The following SEC24B variants were observed in gnomAD, a reference collection of about 807,000 sequenced individuals.
The protein encoded by SEC24B is SEC24 homolog B, COPII component.
In SEC24B, 45 loss-of-function variants were observed where a neutral mutation model predicts 142.8. The observed-to-expected ratio is 0.32, with a 90% confidence interval of 0.25 to 0.40. The LOEUF is 0.40. SEC24B is among the 10% of genes least tolerant of loss of function. The pLI, the probability that SEC24B is intolerant of heterozygous loss-of-function variation, is 1.00. For missense variants in SEC24B, 1,409 were observed against 1,526.8 expected (o/e 0.92, Z 1.29); for synonymous variants, 574 against 568.2 (o/e 1.01, Z -0.15).
chr4:109,515,815 G>A (rs966003583), intron 10 of SEC24B, among the ~76,000 whole-genome samples: 4 of 152,022 alleles, frequency 2.6e-5, no homozygotes, highest in African/African-American at 7.2e-5. Context: ...TGAGGCGGGC[G>A]GATCAAGTGA....
chr4:109,442,411 C>T (rs1729017345), intron 1 of SEC24B, among the ~76,000 whole-genome samples: 1 of 152,052 alleles, frequency 6.6e-6, no homozygotes, highest in African/African-American at 2.4e-5. Context: ...AAAATGAATA[C>T]CTGGGTGCAT....
chr4:109,479,083 A>C (rs1733463589), intron 3 of SEC24B, among the ~76,000 whole-genome samples: 1 of 152,210 alleles, frequency 6.6e-6, no homozygotes, highest in African/African-American at 2.4e-5. Flanking sequence ...ATTAAGCAGC[A>C]CCAAGGATAT....
chr4:109,539,043 C>A (rs561029955), intron 23 of SEC24B, among the ~76,000 whole-genome samples: 2 of 152,182 alleles, frequency 1.3e-5, no homozygotes, highest in South Asian at 4.1e-4. Context: ...CCCACTGCAA[C>A]CTCTGCGTCC....
intron 16 of SEC24B, 117 bp from the exon 17 acceptor site, chr4:109,526,109 C>A: frequency 1.1e-6 from 1 of 943,254 alleles, no homozygotes; most frequent in Non-Finnish European, 1.6e-6. Flanking sequence ...TGAACCTTGA[C>A]TCCCCAGTTA....
intron 6 of SEC24B, among the ~76,000 whole-genome samples, chr4:109,496,364 C>T (rs540510507): frequency 5.3e-5 from 8 of 152,248 alleles, no homozygotes; most frequent in Admixed American, 3.9e-4. Flanking sequence ...CCGCCTGCCT[C>T]GGCCTCCCAA....
chr4:109,465,298 A>C (rs1731749669), intron 2 of SEC24B, among the ~76,000 whole-genome samples: 1 of 152,228 alleles, frequency 6.6e-6, no homozygotes, highest in East Asian at 1.9e-4. Context: ...TGTGATATTC[A>C]ACTACAAATT....
chr4:109,441,746 A>G (rs1471891025), intron 1 of SEC24B, among the ~76,000 whole-genome samples: 1 of 152,162 alleles, frequency 6.6e-6, no homozygotes, highest in African/African-American at 2.4e-5. Flanking sequence ...CATAGCACTC[A>G]TTGTCGTGGT....
chr4:109,513,726 G>C, intron 9 of SEC24B, 21 bp from the exon 10 acceptor site: 2 of 1,371,470 alleles, frequency 1.5e-6, no homozygotes, highest in Non-Finnish European at 2.1e-6. Context: ...CTCTAAATTT[G>C]TACTGGGACC....
intron 6 of SEC24B, among the ~76,000 whole-genome samples, chr4:109,504,041 AAG>A (rs1374145738): frequency 6.6e-6 from 1 of 152,080 alleles, no homozygotes; most frequent in East Asian, 1.9e-4. Context: ...TACAGAAAAA[AAG>A]AGAATCCTTT....
At chr4:109,487,829 C>T (rs1734540084) in intron 4 of SEC24B, among the ~76,000 whole-genome samples, 1 of 151,998 alleles carries the variant, frequency 6.6e-6, no homozygotes, top group Non-Finnish European at 1.5e-5. Context: ...AGTAAACTAG[C>T]AGATTTCAAA....
chr4:109,520,358 A>G lies in SEC24B; in HGVS notation c.2127-8A>G, dbSNP rs758973531. On this transcript the variant is annotated splice_region_variant and splice_polypyrimidine_tract_variant and intron_variant, in intron 11 of 23. Coordinates refer to ENST00000265175, the MANE Select transcript of SEC24B (RefSeq NM_006323.5). The stretch of plus-strand genomic sequence containing the variant: ...CTCTGAATTTAAAATTGTCATTTTT[A>G]TCTTTAGGCTTCCTGGAGATTCACG... 2.6e-6 allele frequency: 4 copies of G among 1,531,334 alleles called. No homozygotes were observed. The highest frequency in any genetic ancestry group is 1.4e-5 in the African/African-American group (1 of 72,570). The allele number at this position is 1,531,334 out of a possible 1,614,324, so 94.9% of individuals were successfully genotyped here. A position where few individuals can be genotyped will look rare whatever the true frequency, so the allele number is the denominator to read the frequency against.
intron 4 of SEC24B, among the ~76,000 whole-genome samples, chr4:109,482,935 ACTAT>A (rs1296037304): frequency 4.0e-4 from 15 of 37,522 alleles, no homozygotes; most frequent in African/African-American, 6.7e-4. Flanking sequence ...CCAGGCTTGT[ACTAT>A]ATATATATAT....
At chr4:109,470,064 T>C (rs529852377) in intron 2 of SEC24B, among the ~76,000 whole-genome samples, 19 of 152,336 alleles carry the variant, frequency 1.2e-4, no homozygotes, top group African/African-American at 4.3e-4. Flanking sequence ...TTATACCTAC[T>C]AACAGATGGG....
intron 6 of SEC24B, among the ~76,000 whole-genome samples, chr4:109,501,924 G>T (rs1736196347): frequency 6.6e-6 from 1 of 152,212 alleles, no homozygotes; most frequent in South Asian, 2.1e-4. Flanking sequence ...GGGAGGTCAG[G>T]ATTAATAAGA....
chr4:109,449,092 TTGAGTCATTTCAGGGTTTACG>T (rs1424294263), intron 1 of SEC24B, among the ~76,000 whole-genome samples: 1 of 152,246 alleles, frequency 6.6e-6, no homozygotes, highest in African/African-American at 2.4e-5. Flanking sequence ...ATGCTTCTTA[TTGAGTCATTTCAGGGTTTACG>T]TGATACCAGC....
rs1732692267 is a variant in SEC24B, at chr4:109,473,038, T to C, written c.912T>C (p.Asn304=). The change falls in exon 3 of 24, where the codon AAT becomes AAC. Residue 304 remains asparagine, a synonymous_variant. Coordinates refer to ENST00000265175, the MANE Select transcript of SEC24B (RefSeq NM_006323.5). ...CTTTATCCTGTCCTGTTATGCAAAA[T>C]GTTCAGCCTCCCAAGTCCAGCCCAG... ...ADSLSCPVMQ[N]VQPPKSSPVV... 6.3e-7 allele frequency: 1 copy of C among 1,589,166 alleles called. No homozygotes were observed. Among genetic ancestry groups the C allele is most frequent in the African/African-American group, 1.4e-5 (1 of 73,900 alleles).
At chr4:109,458,381 A>G (rs1730916311) in intron 1 of SEC24B, among the ~76,000 whole-genome samples, 1 of 152,146 alleles carries the variant, frequency 6.6e-6, no homozygotes, top group South Asian at 2.1e-4. Context: ...TTCTGGGCCC[A>G]CTTTGATTCT....
chr4:109,460,545 G>A (rs1054446579), intron 1 of SEC24B, among the ~76,000 whole-genome samples: 3 of 152,060 alleles, frequency 2.0e-5, no homozygotes, highest in African/African-American at 7.2e-5. Context: ...TTGTAGCAAA[G>A]GACAGCAGAT....
chr4:109,478,370 C>T (rs776929333), intron 3 of SEC24B, among the ~76,000 whole-genome samples: 1 of 151,428 alleles, frequency 6.6e-6, no homozygotes, highest in Non-Finnish European at 1.5e-5. Context: ...ATGATGTGCC[C>T]TGAAAAGAAC....
Sources: allele counts gnomAD v4.1 joint callset (sites outside exome capture counted in the v4.1 genomes callset), GRCh38; gene constraint gnomAD v4.1.1; transcripts MANE v1.5; gene names NCBI Gene and HGNC (gene_info 2026-07-23, HGNC 2026-07-21).